Variants in POM121C observed in about 807,000 individuals in gnomAD.
The protein encoded by POM121C is POM121 transmembrane nucleoporin C.
POM121C carries 20 observed loss-of-function variants against 66.4 expected under a neutral mutation model. The observed-to-expected ratio is 0.30, with a 90% CI of 0.21 to 0.44. The LOEUF (loss-of-function observed/expected upper bound fraction) is 0.44, where lower values mean the gene tolerates loss of function less well. POM121C is among the 20% of genes least tolerant of loss of function. The probability of loss-of-function intolerance (pLI) is 1.00; values close to 1 mark genes in which losing one functional copy is unlikely to be tolerated. For synonymous variants in POM121C, 286 were observed against 528.0 expected (o/e 0.54, Z 6.28); for missense variants, 580 against 1,225.7 (o/e 0.47, Z 7.87).
At position 75,417,245 on chromosome 7, in the gene POM121C, C is replaced by T. The variant is rs1789507320; in HGVS notation, c.*1551G>A. The T allele has an allele frequency of 1.1e-6, 1 of 928,860 alleles. No homozygotes were observed. 57.5% of individuals were successfully genotyped at this position (928,860 alleles called of 1,614,324 possible). On this transcript the variant is annotated 3_prime_UTR_variant, in exon 15 of 15. Coordinates refer to ENST00000615331, the MANE Select transcript of POM121C (RefSeq NM_001099415.3). ...AAAATAAGAATTACATTTCATATAA[C>T]ATGGCCAGAAGGAGCTCTAGTCCCC...
intron 3 of POM121C, among the ~76,000 whole-genome samples, chr7:75,456,674 T>C (rs1257888862): frequency 9.6e-4 from 146 of 152,180 alleles, no homozygotes; most frequent in African/African-American, 3.4e-3. Context: ...AACATGCAAA[T>C]GGGTAGGATG....
At chr7:75,447,620 A>G (rs1584682113) in intron 3 of POM121C, among the ~76,000 whole-genome samples, 1 of 152,140 alleles carries the variant, frequency 6.6e-6, no homozygotes, top group Non-Finnish European at 1.5e-5. Context: ...ATATTTTCAG[A>G]CACATAAAAG....
chr7:75,428,146 T>C (rs1699002515), intron 7 of POM121C, among the ~76,000 whole-genome samples: 1 of 142,848 alleles, frequency 7.0e-6, no homozygotes, highest in African/African-American at 2.7e-5. Context: ...CCTGTGGAAC[T>C]TTTTTTTTTT....
At chr7:75,464,921 G>C (rs181591984) in intron 3 of POM121C, among the ~76,000 whole-genome samples, 1 of 143,616 alleles carries the variant, frequency 7.0e-6, no homozygotes, top group Non-Finnish European at 1.5e-5. Context: ...AGACTATTTC[G>C]AATTCATTAG....
intron 1 of POM121C, among the ~76,000 whole-genome samples, chr7:75,482,544 G>C (rs1584723646): frequency 6.6e-6 from 1 of 152,142 alleles, no homozygotes; most frequent in African/African-American, 2.4e-5. Flanking sequence ...AAAAAAATTA[G>C]CGAGGTGTGG....
At chr7:75,444,576 CATAGCCTGA>C (rs1790773310) in intron 3 of POM121C, among the ~76,000 whole-genome samples, 2 of 111,774 alleles carry the variant, frequency 1.8e-5, no homozygotes. Context: ...TAGAGAGGTC[CATAGCCTGA>C]GCCCTCGGGG....
chr7:75,472,962 A>G (rs1330246460), intron 3 of POM121C, among the ~76,000 whole-genome samples: 4 of 152,236 alleles, frequency 2.6e-5, no homozygotes, highest in Admixed American at 6.5e-5. Flanking sequence ...TAATCCAGGT[A>G]TGGGAGAATA....
At chr7:75,466,213 A>AT (rs1791642452) in intron 3 of POM121C, among the ~76,000 whole-genome samples, 3 of 149,396 alleles carry the variant, frequency 2.0e-5, no homozygotes, top group Admixed American at 6.7e-5. Context: ...AGAAGCAATA[A>AT]AAAAAAAAAA....
chr7:75,460,228 A>G (rs1554476827), intron 3 of POM121C, among the ~76,000 whole-genome samples: 3 of 140,252 alleles, frequency 2.1e-5, no homozygotes, highest in Non-Finnish European at 1.5e-5. Context: ...GTGGTAGCTT[A>G]TGCCTATAAT....
intron 1 of POM121C, among the ~76,000 whole-genome samples, chr7:75,475,576 A>G (rs1554479258): frequency 6.6e-6 from 1 of 150,906 alleles, no homozygotes; most frequent in Non-Finnish European, 1.5e-5. Context: ...GGACCTCTTC[A>G]TGTTGGAGTG....
At chr7:75,464,600 A>G (rs1200890961) in intron 3 of POM121C, among the ~76,000 whole-genome samples, 1 of 151,620 alleles carries the variant, frequency 6.6e-6, no homozygotes, top group East Asian at 1.9e-4. Flanking sequence ...CCCTGTCTCA[A>G]TAAAAGAATT....
intron 1 of POM121C, among the ~76,000 whole-genome samples, chr7:75,479,370 C>T (rs1463579350): frequency 6.6e-6 from 1 of 152,146 alleles, no homozygotes; most frequent in Non-Finnish European, 1.5e-5. Flanking sequence ...AATCCCAGCA[C>T]TTTGGGCGGC....
chr7:75,421,900 G>A lies in POM121C; in HGVS notation c.2352C>T (p.Phe784=), dbSNP rs190500891. The A allele has an allele frequency of 2.3e-4, 364 of 1,612,620 alleles. 1 individual carries two copies. In the East Asian group the frequency reaches 6.2e-3, roughly 27 times the overall value. ...AFGLKATASA[F]GAPASSQPAF... Reference sequence around the variant, plus strand: ...CGGGCTGTGAGCTGGCGGGAGCGCCGAAGGCGGAAGCCGTGGCTTTCAATC... The same window carrying A: ...CGGGCTGTGAGCTGGCGGGAGCGCCAAAGGCGGAAGCCGTGGCTTTCAATC... The change falls in exon 13 of 15, where the codon TTC becomes TTT. Residue 784 remains phenylalanine (F), a synonymous_variant. Transcript: ENST00000615331.
In POM121C at chr7:75,418,342, C is replaced by T; in HGVS notation, c.*454G>A. Reference sequence around the variant, plus strand: ...ACCAGAGGAAGAGAACCACTTCTCACAGCTAAGCCAAGCAAGATAAAGCTT... The same window carrying T: ...ACCAGAGGAAGAGAACCACTTCTCATAGCTAAGCCAAGCAAGATAAAGCTT... On this transcript the variant is annotated 3_prime_UTR_variant, in exon 15 of 15. Transcript: ENST00000615331. 4.1e-6 allele frequency: 4 copies of T among 983,368 alleles called. 1 individual carries two copies. Among genetic ancestry groups the T allele is most frequent in the Non-Finnish European group, 4.8e-6 (4 of 827,278 alleles). The allele number at this position is 983,368 out of a possible 1,614,324, so 60.9% of individuals were successfully genotyped here.
At chr7:75,420,420 G>GT (rs1789653437) in intron 13 of POM121C, 1 of 151,992 alleles carries the variant, frequency 6.6e-6, no homozygotes, top group African/African-American at 2.4e-5. Flanking sequence ...CCACAGCCGG[G>GT]TGGCACCAGC....
Position 75,422,004 on chromosome 7 carries a change from A to G in POM121C, c.2248T>C (p.Ser750Pro). 6.2e-7 allele frequency: 1 copy of G among 1,613,858 alleles called. No homozygotes were observed. Among genetic ancestry groups the G allele is most frequent in the Admixed American group, 1.7e-5 (1 of 60,032 alleles). ...TGCGCAGGCACGATCTTGATCGTGG[A>G]CGCAGGTGCAGGTGTGGGTGCAGTA... Reference protein sequence around the residue: ...PATAPTPAPASTIKIVPAHVP... With the variant: ...PATAPTPAPAPTIKIVPAHVP... The change falls in exon 13 of 15, where the codon TCC (serine) becomes CCC (proline). Residue 750 changes from serine to proline, a missense_variant. Ser to Pro is a moderately conservative substitution (Grantham distance 74). Transcript: ENST00000615331.
intron 7 of POM121C, 103 bp downstream of exon 7, chr7:75,437,412 C>T: frequency 2.7e-6 from 4 of 1,458,864 alleles, no homozygotes; most frequent in Non-Finnish European, 3.7e-6. Flanking sequence ...CTTTGGCCTT[C>T]CAAAGTGCTG....
At chr7:75,434,434 C>G (rs1289420754) in intron 7 of POM121C, among the ~76,000 whole-genome samples, 2 of 151,998 alleles carry the variant, frequency 1.3e-5, no homozygotes, top group African/African-American at 4.8e-5. Context: ...GCCACCACAC[C>G]TGGTTAAATT....
chr7:75,451,167 A>G (rs1186711948), intron 3 of POM121C, among the ~76,000 whole-genome samples: 2 of 152,238 alleles, frequency 1.3e-5, no homozygotes, highest in Non-Finnish European at 2.9e-5. Flanking sequence ...CAGAATTAGA[A>G]AAAACTACCT....
Sources: gnomAD v4.1 joint callset for allele counts (sites outside exome capture counted in the v4.1 genomes callset) on GRCh38, gnomAD v4.1.1 for gene constraint, MANE v1.5 for transcripts, NCBI Gene and HGNC (gene_info 2026-07-23, HGNC 2026-07-21) for gene names.